The following EPAS1 variants were observed in gnomAD, a reference collection of about 807,000 sequenced individuals.
The protein encoded by EPAS1 is endothelial PAS domain-containing protein 1.
In EPAS1, 23 loss-of-function variants were observed where a neutral mutation model predicts 87.9. The observed-to-expected ratio is 0.26, with a 90% CI of 0.19 to 0.37. The LOEUF (loss-of-function observed/expected upper bound fraction) is 0.37. EPAS1 is among the 10% of genes least tolerant of loss of function. The probability of loss-of-function intolerance (pLI) is 1.00; values close to 1 mark genes in which losing one functional copy is unlikely to be tolerated. For missense variants in EPAS1, 1,138 were observed against 1,120.7 expected (o/e 1.02, Z -0.22); for synonymous variants, 508 against 444.3 (o/e 1.14, Z -1.80).
chr2:46,364,757 A>C (rs1312220112), intron 6 of EPAS1, among the ~76,000 whole-genome samples: 1 of 152,248 alleles, frequency 6.6e-6, no homozygotes, highest in Non-Finnish European at 1.5e-5. Context: ...TAATGGAATT[A>C]ATGATCTCTT....
intron 2 of EPAS1, among the ~76,000 whole-genome samples, chr2:46,348,883 G>T (rs1684087615): frequency 6.6e-6 from 1 of 152,206 alleles, no homozygotes; most frequent in Non-Finnish European, 1.5e-5. Context: ...TCAGATTAGG[G>T]ACAGTCAACC....
chr2:46,375,935 T>C lies in EPAS1; in HGVS notation c.1034+98T>C. ...ACAGGCCTAGGAGATGCCAGGCCTC[T>C]CAGCGCCCTGGGCACCACCTCAGGG... On this transcript the variant is annotated intron_variant, in intron 8 of 15. Transcript: ENST00000263734. This position sits in a 1 kb window ranked among gnomAD's most constrained non-coding sequence, Gnocchi z 4.1. The C allele has an allele frequency of 6.5e-7, 1 of 1,543,396 alleles. No individual in the cohort carries two copies. Among genetic ancestry groups the C allele is most frequent in the South Asian group, 1.1e-5 (1 of 89,076 alleles).
intron 2 of EPAS1, among the ~76,000 whole-genome samples, chr2:46,355,746 A>AAT (rs1478729076): frequency 6.6e-6 from 1 of 152,248 alleles, no homozygotes; most frequent in Admixed American, 6.5e-5. Flanking sequence ...GGCTGAAATA[A>AAT]AGTCTATGGT....
chr2:46,332,432 A>C (rs563638930), intron 1 of EPAS1, among the ~76,000 whole-genome samples: 2 of 152,138 alleles, frequency 1.3e-5, no homozygotes, highest in South Asian at 2.1e-4. Flanking sequence ...ACGGGACCTC[A>C]GTAGCAGAGA....
At chr2:46,315,913 A>G (rs1379652733) in intron 1 of EPAS1, among the ~76,000 whole-genome samples, 1 of 152,256 alleles carries the variant, frequency 6.6e-6, no homozygotes, top group African/African-American at 2.4e-5. Flanking sequence ...AATTATTTTT[A>G]AAGTTGCTAA....
chr2:46,347,550 C>T lies in EPAS1; in HGVS notation c.217+487C>T, dbSNP rs1159904349. 2.3e-5 allele frequency: 5 copies of T among 213,930 alleles called. No individual in the cohort carries two copies. The Admixed American group carries it at 2.6e-4, about 11-fold the overall frequency. 13.3% of individuals were successfully genotyped at this position (213,930 alleles called of 1,614,324 possible). On this transcript the variant is annotated intron_variant, in intron 2 of 15. Coordinates refer to ENST00000263734, the MANE Select transcript of EPAS1 (RefSeq NM_001430.5). This position sits in a 1 kb window ranked among gnomAD's most constrained non-coding sequence, Gnocchi z 4.2. ...TAGTCTCTCTGAACATTGGTTTCCT[C>T]GTGTATAAAATGGGGTTAAACATAC...
At chr2:46,354,754 C>A (rs1684237533) in intron 2 of EPAS1, among the ~76,000 whole-genome samples, 1 of 152,094 alleles carries the variant, frequency 6.6e-6, no homozygotes, top group Non-Finnish European at 1.5e-5. Flanking sequence ...CTTTGAGATG[C>A]ACTCCTCTGA....
At chr2:46,337,861 T>C (rs1373188536) in intron 1 of EPAS1, among the ~76,000 whole-genome samples, 1 of 152,122 alleles carries the variant, frequency 6.6e-6, no homozygotes, top group African/African-American at 2.4e-5. Flanking sequence ...AACCTTTTTT[T>C]TTTCTTTTTC....
At chr2:46,334,375 C>A (rs1303698395) in intron 1 of EPAS1, among the ~76,000 whole-genome samples, 15 of 152,216 alleles carry the variant, frequency 9.9e-5, no homozygotes, top group Admixed American at 9.8e-4. Context: ...CCCAGATTCT[C>A]AATGCCTTGC....
intron 6 of EPAS1, among the ~76,000 whole-genome samples, chr2:46,362,952 TA>T (rs1296873968): frequency 1.4e-3 from 158 of 114,820 alleles, no homozygotes; most frequent in African/African-American, 5.0e-3. Flanking sequence ...TTGTAATTGT[TA>T]GTGGTGGTGG....
At chr2:46,369,695 A>G (rs754055410) in intron 6 of EPAS1, 132 bp from the exon 7 acceptor site, 12 of 714,400 alleles carry the variant, frequency 1.7e-5, no homozygotes, top group Non-Finnish European at 3.1e-5. Flanking sequence ...TACATGGTAC[A>G]ACAAGAAAGT....
At chr2:46,354,529 T>A (rs1018869809) in intron 2 of EPAS1, among the ~76,000 whole-genome samples, 12 of 149,692 alleles carry the variant, frequency 8.0e-5, no homozygotes, top group African/African-American at 2.7e-4. Flanking sequence ...AAGAGCCGAG[T>A]CTATATTTTT....
intron 3 of EPAS1, 67 bp downstream of exon 3, chr2:46,356,369 G>A: frequency 6.3e-7 from 1 of 1,593,902 alleles, no homozygotes. Context: ...ATGAGTGGAA[G>A]GTGCTAGCCA....
chr2:46,337,078 G>T (rs1052804964), intron 1 of EPAS1, among the ~76,000 whole-genome samples: 3 of 152,240 alleles, frequency 2.0e-5, no homozygotes, highest in Non-Finnish European at 4.4e-5. Context: ...CAGCTTTGAG[G>T]AATCCACAGA....
At chr2:46,353,587 G>A (rs1684213273) in intron 2 of EPAS1, among the ~76,000 whole-genome samples, 1 of 152,196 alleles carries the variant, frequency 6.6e-6, no homozygotes, top group South Asian at 2.1e-4. Context: ...TGAAAGCACT[G>A]AGTTAAGTCA....
At chr2:46,336,817 G>A (rs906426977) in intron 1 of EPAS1, among the ~76,000 whole-genome samples, 1 of 152,214 alleles carries the variant, frequency 6.6e-6, no homozygotes, top group African/African-American at 2.4e-5. Flanking sequence ...AGATCCTACT[G>A]AGCCTGCACT....
In EPAS1 at chr2:46,346,071, C is replaced by T. The variant is rs10191091; in HGVS notation, c.27-802C>T. On this transcript the variant is annotated intron_variant, in intron 1 of 15. Coordinates refer to ENST00000263734, the MANE Select transcript of EPAS1 (RefSeq NM_001430.5). The surrounding 1 kb of genome is among the most constrained non-coding windows in gnomAD (Gnocchi z 4.0). ...AACATTCTGGCTTTTAAATATTGCC[C>T]GTGCTAGAACTTGCCATGGACTTTA... Among the ~76,000 whole-genome samples, 88,335 of 152,076 alleles carry T rather than the reference C, an allele frequency of 0.58. 26,763 individuals carry two copies. The highest frequency in any genetic ancestry group is 0.87 in the East Asian group (4,529 of 5,182).
At chr2:46,321,721 A>C (rs1194180789) in intron 1 of EPAS1, among the ~76,000 whole-genome samples, 1 of 103,052 alleles carries the variant, frequency 9.7e-6, no homozygotes. Context: ...CCTGTGTGGG[A>C]ATGGAAATCA....
intron 2 of EPAS1, 24 bp from the exon 3 acceptor site, chr2:46,356,127 T>TGGG: frequency 7.0e-5 from 97 of 1,395,084 alleles, no homozygotes; most frequent in Non-Finnish European, 9.3e-5. Context: ...TCATGCAAGC[T>TGGG]GTCCCACCCC....
Sources: gnomAD v4.1 joint callset for allele counts (sites outside exome capture counted in the v4.1 genomes callset) on GRCh38, gnomAD v4.1.1 for gene constraint, Gnocchi (gnomAD v3.1) non-coding constraint, MANE v1.5 for transcripts, NCBI Gene and HGNC (gene_info 2026-07-23, HGNC 2026-07-21) for gene names.